Variants in ANKFY1 observed in about 807,000 individuals in gnomAD.
The protein encoded by ANKFY1 is ankyrin repeat and FYVE domain containing 1.
Under a neutral mutation model 128.3 loss-of-function variants are expected in ANKFY1, and 47 were observed. The observed-to-expected ratio is 0.37, with a 90% confidence interval of 0.29 to 0.47. The LOEUF (loss-of-function observed/expected upper bound fraction) is 0.47. Among genes scored for constraint, ANKFY1 ranks in the 20% least tolerant of loss-of-function variants. The probability of loss-of-function intolerance (pLI) is 1.00; values close to 1 mark genes in which losing one functional copy is unlikely to be tolerated. For missense variants in ANKFY1, 1,222 were observed against 1,510.6 expected, an observed-to-expected ratio of 0.81 and a Z score of 3.17; for synonymous variants, 553 against 601.6, an observed-to-expected ratio of 0.92 and a Z score of 1.18.
rs112117743 is a variant in ANKFY1, at chr17:4,205,683, C to A, written c.898+638G>T. 9.0e-3 allele frequency among the ~76,000 whole-genome samples: 1,362 copies of A among 150,614 alleles called. 17 individuals are homozygous for A. Among genetic ancestry groups the A allele is most frequent in the African/African-American group, 0.031 (1,286 of 41,030 alleles). On this transcript the variant is annotated intron_variant, in intron 7 of 24. Transcript: ENST00000341657. ...CATGAACCCAGGAGGCGGAGCTTGC[C>A]GTGAGCCAAGATCGCACCACTGCAC...
chr17:4,252,714 T>G (rs1278817092), intron 1 of ANKFY1, among the ~76,000 whole-genome samples: 2 of 152,232 alleles, frequency 1.3e-5, no homozygotes, highest in Non-Finnish European at 1.5e-5. Flanking sequence ...CACTCCCAGT[T>G]ATTTCCTCAA....
chr17:4,228,417 G>T (rs1179487013), intron 3 of ANKFY1, among the ~76,000 whole-genome samples: 1 of 145,572 alleles, frequency 6.9e-6, no homozygotes, highest in African/African-American at 2.5e-5. Context: ...TTTTTTGTTA[G>T]TTTTTTTTTT....
rs111369931 is a variant in ANKFY1 at position 4,236,953 on chromosome 17, T to C, written c.204-1063A>G. Among the ~76,000 whole-genome samples, 163 of 152,020 alleles carry C rather than the reference T, an allele frequency of 1.1e-3. 1 individual carries two copies. Among genetic ancestry groups the C allele is most frequent in the African/African-American group, 3.8e-3 (156 of 41,438 alleles). On this transcript the variant is annotated intron_variant, in intron 2 of 24. Coordinates refer to ENST00000341657, the MANE Select transcript of ANKFY1 (RefSeq NM_001330063.2). ...GAGATTGAGACCATCCTGGCTAACA[T>C]AGTGAAACCCCGTCTCTACTAAAAA...
At chr17:4,176,790 AAATT>A (rs2059418519) in intron 19 of ANKFY1, among the ~76,000 whole-genome samples, 1 of 152,368 alleles carries the variant, frequency 6.6e-6, no homozygotes, top group African/African-American at 2.4e-5. Flanking sequence ...GTGGTTTTGA[AAATT>A]AAGAGAGACA....
At chr17:4,252,880 C>A (rs1967911932) in intron 1 of ANKFY1, among the ~76,000 whole-genome samples, 1 of 152,162 alleles carries the variant, frequency 6.6e-6, no homozygotes, top group African/African-American at 2.4e-5. Context: ...TGATACCAGA[C>A]ACATGAGGTA....
intron 1 of ANKFY1, among the ~76,000 whole-genome samples, chr17:4,244,670 C>T (rs151009792): frequency 6.6e-6 from 1 of 152,240 alleles, no homozygotes; most frequent in African/African-American, 2.4e-5. Flanking sequence ...ATAACTCCCA[C>T]CATCCCAGCA....
At chr17:4,189,673 A>ACCAGACAGTAGGCCCACG (rs1409962890) in intron 10 of ANKFY1, among the ~76,000 whole-genome samples, 194 bp from the exon 11 acceptor site, 20 of 130,304 alleles carry the variant, frequency 1.5e-4, no homozygotes, top group African/African-American at 6.8e-4. Flanking sequence ...GTAGGCCCAC[A>ACCAGACAGTAGGCCCACG]CCAGACAGTA....
intron 3 of ANKFY1, among the ~76,000 whole-genome samples, chr17:4,225,744 G>A (rs1183329401): frequency 2.6e-5 from 4 of 152,084 alleles, no homozygotes; most frequent in Admixed American, 6.5e-5. Context: ...CTATGGCTTC[G>A]GTGTGTGTGT....
At chr17:4,213,100 G>A (rs769040999) in intron 4 of ANKFY1, among the ~76,000 whole-genome samples, 13 of 152,104 alleles carry the variant, frequency 8.5e-5, no homozygotes, top group African/African-American at 2.7e-4. Flanking sequence ...AAAACATCAC[G>A]AAGGAGAGGC....
At chr17:4,231,337 C>T (rs1180015397) in intron 3 of ANKFY1, among the ~76,000 whole-genome samples, 1 of 151,682 alleles carries the variant, frequency 6.6e-6, no homozygotes, top group East Asian at 2.0e-4. Context: ...CTCTATTAAA[C>T]AATTAGCCAG....
At chr17:4,198,916 A>G (rs1440412212) in intron 7 of ANKFY1, among the ~76,000 whole-genome samples, 1 of 152,142 alleles carries the variant, frequency 6.6e-6, no homozygotes, top group East Asian at 1.9e-4. Flanking sequence ...ATAACATCCC[A>G]GGTCTTTGGA....
intron 17 of ANKFY1, 173 bp from the exon 18 acceptor site, chr17:4,179,230 C>A: frequency 1.4e-6 from 1 of 698,124 alleles, no homozygotes; most frequent in Non-Finnish European, 2.4e-6. Context: ...ATGTCACTTC[C>A]TGTTACACCA....
intron 3 of ANKFY1, among the ~76,000 whole-genome samples, chr17:4,227,659 TAATACTC>T (rs146818049): frequency 0.015 from 2,237 of 152,264 alleles, 23 homozygotes; most frequent in Middle Eastern, 0.024. Flanking sequence ...ACAGAACTGT[TAATACTC>T]AATACTCAAA....
chr17:4,215,576 G>A (rs373983206), intron 4 of ANKFY1, among the ~76,000 whole-genome samples: 1 of 152,044 alleles, frequency 6.6e-6, no homozygotes, highest in South Asian at 2.1e-4. Context: ...CTCCACTCCC[G>A]GTGTCTTCCA....
At chr17:4,179,440 A>G in intron 17 of ANKFY1, 1 of 534,814 alleles carries the variant, frequency 1.9e-6, no homozygotes, top group Non-Finnish European at 3.3e-6. Context: ...TTTCCTAAAT[A>G]CAGTATGCGA....
chr17:4,169,048 G>T lies in ANKFY1; in HGVS notation c.3377+150C>A. On this transcript the variant is annotated intron_variant, in intron 24 of 24. Coordinates refer to ENST00000341657, the MANE Select transcript of ANKFY1 (RefSeq NM_001330063.2). The surrounding 1 kb of genome is among the most constrained non-coding windows in gnomAD (Gnocchi z 5.0). ...ATCTCTGTTCCTCAGTAGGATCCTT[G>T]GGTGTGCTCATCTCATCCCTCCATT... is the stretch of plus-strand genomic sequence containing the variant. The T allele has an allele frequency of 1.5e-6, 1 of 666,782 alleles. No homozygotes were observed. 41.3% of individuals were successfully genotyped at this position (666,782 alleles called of 1,614,324 possible).
chr17:4,261,617 T>C (rs1968420971), intron 1 of ANKFY1, among the ~76,000 whole-genome samples: 2 of 152,234 alleles, frequency 1.3e-5, no homozygotes, highest in South Asian at 4.1e-4. Context: ...ACTGGCGAGA[T>C]GTCTCTCAAG....
At chr17:4,236,351 C>T (rs1039845186) in intron 2 of ANKFY1, among the ~76,000 whole-genome samples, 2 of 152,134 alleles carry the variant, frequency 1.3e-5, no homozygotes, top group Admixed American at 6.5e-5. Flanking sequence ...ACAGAAAAAC[C>T]GTGAACAAAC....
intron 1 of ANKFY1, among the ~76,000 whole-genome samples, chr17:4,255,841 G>A (rs535927246): frequency 1.3e-5 from 2 of 150,696 alleles, no homozygotes; most frequent in East Asian, 4.0e-4. Flanking sequence ...TTTTGAAACG[G>A]AGTCTCACTC....
Sources: allele counts gnomAD v4.1 joint callset (sites outside exome capture counted in the v4.1 genomes callset), GRCh38; gene constraint gnomAD v4.1.1; non-coding constraint Gnocchi (gnomAD v3.1); transcripts MANE v1.5; gene names NCBI Gene and HGNC (gene_info 2026-07-23, HGNC 2026-07-21).